KANSL2: variants seen among roughly 807,000 people sequenced by gnomAD.
KANSL2 encodes the protein KAT8 regulatory NSL complex subunit 2.
A neutral mutation model predicts 55.6 loss-of-function variants in KANSL2; 34 were observed. The observed-to-expected ratio is 0.61, with a 90% confidence interval of 0.46 to 0.81. The LOEUF is 0.81. Ranked by LOEUF, KANSL2 falls within the 40% of genes least tolerant of loss-of-function variation. KANSL2 has a pLI of 0.00. For missense variants in KANSL2, 502 were observed against 609.9 expected (o/e 0.82, Z 1.86); for synonymous variants, 209 against 214.3 (o/e 0.98, Z 0.22).
intron 8 of KANSL2, among the ~76,000 whole-genome samples, chr12:48,657,710 G>T (rs2137175837): frequency 6.6e-6 from 1 of 152,144 alleles, no homozygotes; most frequent in South Asian, 2.1e-4. Context: ...TCCACCTCCT[G>T]GGTTCAAGCG....
In KANSL2 at chr12:48,660,764, A is replaced by G. The variant is rs1939471633; in HGVS notation, c.974-145T>C. On this transcript the variant is annotated intron_variant, in intron 7 of 9. Coordinates refer to ENST00000420613, the MANE Select transcript of KANSL2 (RefSeq NM_017822.4). ...TTGATACAGAATACCAAATGCAGTT[A>G]GCAATTTTTAAAGTTACTTCTCAAA... 4.8e-6 allele frequency: 4 copies of G among 830,410 alleles called. No homozygotes were observed. The East Asian group carries it at 8.2e-5, about 17-fold the overall frequency. 51.4% of individuals were successfully genotyped at this position (830,410 alleles called of 1,614,324 possible). A position where few individuals can be genotyped will look rare whatever the true frequency, so the allele number is the denominator to read the frequency against.
At chr12:48,678,471 C>A (rs376101694) in intron 4 of KANSL2, among the ~76,000 whole-genome samples, 4 of 152,158 alleles carry the variant, frequency 2.6e-5, no homozygotes, top group East Asian at 3.9e-4. Context: ...AAAAAATCCA[C>A]ACACAAAAAA....
chr12:48,667,819 C>A (rs1305810444), intron 6 of KANSL2, 30 bp from the exon 7 acceptor site: 1 of 1,474,114 alleles, frequency 6.8e-7, no homozygotes, highest in Admixed American at 1.7e-5. Context: ...ATAAAATAGA[C>A]CCACAAAAGA....
chr12:48,666,074 C>T (rs763803368), intron 7 of KANSL2, among the ~76,000 whole-genome samples: 54 of 151,962 alleles, frequency 3.6e-4, no homozygotes, highest in Non-Finnish European at 5.6e-4. Flanking sequence ...ATTAGCTGGA[C>T]GTGGTAGCAC....
chr12:48,654,141 G>A lies in KANSL2; in HGVS notation c.1382C>T (p.Ser461Phe), dbSNP rs1939331571. 6.2e-7 allele frequency: 1 copy of A among 1,612,484 alleles called. No homozygotes were observed. The change falls in exon 10 of 10, where the codon TCC becomes TTC. Residue 461 changes from serine to phenylalanine, a missense_variant. Ser to Phe is a radical substitution (Grantham distance 155). Coordinates refer to ENST00000420613, the MANE Select transcript of KANSL2 (RefSeq NM_017822.4). ...TTTCTCAGAATTTCGAGATCCCTGG[G>A]ATCTGCACCCATCTCCAGCCATCTG... ...QMQMAGDGCR[S>F]QGSRNSEKAS... is the part of the protein sequence containing the mutation.
intron 7 of KANSL2, among the ~76,000 whole-genome samples, chr12:48,662,345 T>C (rs1939503341): frequency 1.3e-5 from 2 of 152,236 alleles, no homozygotes; most frequent in South Asian, 4.1e-4. Context: ...CCTCAGGTGA[T>C]CAGCCCGCCT....
chr12:48,666,495 C>A (rs1476990963), intron 7 of KANSL2, among the ~76,000 whole-genome samples: 1 of 151,862 alleles, frequency 6.6e-6, no homozygotes, highest in African/African-American at 2.4e-5. Context: ...GAATTTGAGA[C>A]CAACCTGGCC....
intron 1 of KANSL2, chr12:48,681,944 C>A: frequency 1.4e-6 from 1 of 702,968 alleles, no homozygotes. Context: ...ACGCCGCCTC[C>A]CCGCACGCCG....
At position 48,679,021 on chromosome 12, in the gene KANSL2, G is replaced by A; in HGVS notation, c.545+15C>T. ...TAACTACATTTCAAATGCCTTATGT[G>A]GAGTTACAACTTACTTTAGGGGATC... is the stretch of plus-strand genomic sequence containing the variant. On this transcript the variant is annotated intron_variant, in intron 4 of 9. Transcript: ENST00000420613. The A allele has an allele frequency of 2.6e-6, 4 of 1,550,974 alleles. No individual in the cohort carries two copies. Among genetic ancestry groups the A allele is most frequent in the African/African-American group, 1.4e-5 (1 of 73,720 alleles).
chr12:48,661,465 C>T (rs1939486873), intron 7 of KANSL2, among the ~76,000 whole-genome samples: 1 of 152,090 alleles, frequency 6.6e-6, no homozygotes, highest in Non-Finnish European at 1.5e-5. Context: ...GCAAGTGCTA[C>T]CATTTCTTGA....
intron 1 of KANSL2, 61 bp from the exon 2 acceptor site, chr12:48,681,702 C>G (rs889416775): frequency 1.2e-6 from 2 of 1,607,118 alleles, no homozygotes; most frequent in Non-Finnish European, 1.7e-6. Context: ...CTGCTCCACA[C>G]AGATCGCGCG....
intron 6 of KANSL2, among the ~76,000 whole-genome samples, chr12:48,668,656 G>A (rs1345692068): frequency 3.9e-5 from 6 of 152,116 alleles, no homozygotes; most frequent in East Asian, 1.9e-4. Context: ...CCAAGACGGC[G>A]CCATTGCACT....
chr12:48,671,051 G>A (rs1286616230), intron 5 of KANSL2, among the ~76,000 whole-genome samples: 2 of 152,162 alleles, frequency 1.3e-5, no homozygotes, highest in Non-Finnish European at 2.9e-5. Flanking sequence ...ATCACTTGAA[G>A]TCAGGAGTTC....
chr12:48,676,395 TC>T (rs1204210758), intron 4 of KANSL2, among the ~76,000 whole-genome samples: 3 of 152,114 alleles, frequency 2.0e-5, no homozygotes, highest in Admixed American at 2.0e-4. Context: ...GCGCACTGGT[TC>T]GTCCCTGTAA....
chr12:48,662,343 G>C (rs1939503234), intron 7 of KANSL2, among the ~76,000 whole-genome samples: 1 of 152,196 alleles, frequency 6.6e-6, no homozygotes, highest in Non-Finnish European at 1.5e-5. Flanking sequence ...GACCTCAGGT[G>C]ATCAGCCCGC....
rs1939756509 is a variant in KANSL2 at position 48,673,063 on chromosome 12, T to C, written c.546-1101A>G. On this transcript the variant is annotated intron_variant, in intron 4 of 9. Transcript: ENST00000420613. ...CATGAGCCACTGTGCCCAGCCAAAA[T>C]TTGTAATTGTTTAAAAAATATAGGC... 2.0e-5 allele frequency among the ~76,000 whole-genome samples: 3 copies of C among 151,614 alleles called. No homozygotes were observed. In the South Asian group the frequency reaches 6.4e-4, roughly 32 times the overall value.
At chr12:48,675,092 G>C (rs1939796216) in intron 4 of KANSL2, among the ~76,000 whole-genome samples, 1 of 151,066 alleles carries the variant, frequency 6.6e-6, no homozygotes, top group African/African-American at 2.4e-5. Flanking sequence ...ATGTGAAAAG[G>C]CTTTAAAAAT....
intron 8 of KANSL2, among the ~76,000 whole-genome samples, chr12:48,658,374 G>A (rs902591012): frequency 6.6e-6 from 1 of 152,042 alleles, no homozygotes; most frequent in Non-Finnish European, 1.5e-5. Context: ...TTTAAACTGG[G>A]AAAAGGATCC....
intron 4 of KANSL2, among the ~76,000 whole-genome samples, chr12:48,677,505 G>A (rs2137203446): frequency 6.6e-6 from 1 of 152,208 alleles, no homozygotes; most frequent in South Asian, 2.1e-4. Context: ...AATGAAGCTG[G>A]GCCTGATGGC....
Sources: allele counts gnomAD v4.1 joint callset (sites outside exome capture counted in the v4.1 genomes callset), GRCh38; gene constraint gnomAD v4.1.1; transcripts MANE v1.5; gene names NCBI Gene and HGNC (gene_info 2026-07-23, HGNC 2026-07-21).